Variants in CHDH observed in about 807,000 individuals in gnomAD.
CHDH encodes choline dehydrogenase, mitochondrial.
Under a neutral mutation model 56.9 loss-of-function variants are expected in CHDH, and 43 were observed. The observed-to-expected ratio is 0.76, with a 90% CI of 0.59 to 0.97. CHDH has a LOEUF of 0.97. Among genes scored for constraint, CHDH ranks in the 50% least tolerant of loss-of-function variants. The pLI is 0.00. For synonymous variants in CHDH, 364 were observed against 348.5 expected (o/e 1.04, Z -0.50); for missense variants, 816 against 821.1 (o/e 0.99, Z 0.08).
chr3:53,845,461 A>G (rs1278057455), intron 1 of CHDH, among the ~76,000 whole-genome samples: 1 of 152,186 alleles, frequency 6.6e-6, no homozygotes, highest in African/African-American at 2.4e-5. Context: ...AATGGCCCTG[A>G]GTTGGTCACC....
rs1045556248 is a variant in CHDH at position 53,814,745 on chromosome 3, C to G, written c.*3032G>C. 1 of 152,028 alleles carries G rather than the reference C, an allele frequency of 6.6e-6. No homozygotes were observed. Among genetic ancestry groups the G allele is most frequent in the African/African-American group, 2.4e-5 (1 of 41,350 alleles). The allele number at this position is 152,028 out of a possible 1,614,324, so 9.4% of individuals were successfully genotyped here. The stretch of plus-strand genomic sequence containing the variant: ...TGCAATCTTGGCTCACTGCAGCCTG[C>G]GCCACCCAGGTTCAAGCGATTCTCC... On this transcript the variant is annotated 3_prime_UTR_variant, in exon 9 of 9. Transcript: ENST00000315251.
intron 1 of CHDH, among the ~76,000 whole-genome samples, chr3:53,843,303 A>G (rs1698739573): frequency 6.6e-6 from 1 of 151,194 alleles, no homozygotes; most frequent in African/African-American, 2.4e-5. Flanking sequence ...GTTTCCTAAC[A>G]GCCCTGCTGG....
At chr3:53,834,886 C>T (rs1263644054) in intron 2 of CHDH, among the ~76,000 whole-genome samples, 1 of 152,226 alleles carries the variant, frequency 6.6e-6, no homozygotes, top group Admixed American at 6.5e-5. Flanking sequence ...GAGGAGAAGA[C>T]AGAACTCTGG....
At chr3:53,843,467 T>C (rs886312664) in intron 1 of CHDH, among the ~76,000 whole-genome samples, 5 of 152,080 alleles carry the variant, frequency 3.3e-5, no homozygotes, top group Admixed American at 1.3e-4. Context: ...GCACAGAGTC[T>C]GTGCAGACCC....
At chr3:53,825,102 C>T (rs2095636588) in intron 2 of CHDH, among the ~76,000 whole-genome samples, 1 of 152,198 alleles carries the variant, frequency 6.6e-6, no homozygotes, top group South Asian at 2.1e-4. Context: ...AGGCCCCACA[C>T]CACTCCCCAC....
chr3:53,818,929 G>C lies in CHDH; in HGVS notation c.1366+9C>G. On this transcript the variant is annotated intron_variant, in intron 8 of 8. Coordinates refer to ENST00000315251, the MANE Select transcript of CHDH (RefSeq NM_018397.5). ...TTCAAGCCCAGGAAGACACAGGTGG[G>C]TGAAGTACCTGTTGACAAGTAGTTG... The C allele has an allele frequency of 5.1e-6, 8 of 1,555,006 alleles. No individual in the cohort carries two copies. Among genetic ancestry groups the C allele is most frequent in the Non-Finnish European group, 7.1e-6 (8 of 1,125,930 alleles).
In CHDH at chr3:53,817,997, G is replaced by A. The variant is rs1298486752; in HGVS notation, c.1565C>T (p.Ser522Phe). The change falls in exon 9 of 9, where the codon TCC (serine) becomes TTC (phenylalanine). Residue 522 changes from serine to phenylalanine, a missense_variant. Ser to Phe is a radical substitution (Grantham distance 155). Transcript: ENST00000315251. ...CGGATCCACCACGGCAGTGGGATCGGAGGGCTGGCCCATCTTACAGGTGCA... is the reference window on the plus strand; with the variant it reads ...CGGATCCACCACGGCAGTGGGATCGAAGGGCTGGCCCATCTTACAGGTGCA... ...PSCTCKMGQP[S>F]DPTAVVDPQT... 2 of 1,614,222 alleles carry A rather than the reference G, an allele frequency of 1.2e-6. No individual in the cohort carries two copies.
chr3:53,825,368 A>G (rs928851635), intron 2 of CHDH, among the ~76,000 whole-genome samples: 2 of 152,232 alleles, frequency 1.3e-5, no homozygotes, highest in Non-Finnish European at 1.5e-5. Flanking sequence ...CAAGGTGAGC[A>G]TTATAAAAGA....
chr3:53,844,660 G>A (rs1280597844), intron 1 of CHDH: 1 of 152,542 alleles, frequency 6.6e-6, no homozygotes, highest in Non-Finnish European at 1.5e-5. Flanking sequence ...GCACACAACT[G>A]AAAAGCCAGC....
At chr3:53,828,095 G>C (rs1306759220) in intron 2 of CHDH, among the ~76,000 whole-genome samples, 1 of 151,576 alleles carries the variant, frequency 6.6e-6, no homozygotes, top group Non-Finnish European at 1.5e-5. Flanking sequence ...ACTGATCTTT[G>C]ACAAGTCATC....
chr3:53,840,034 T>G (rs903891797), intron 2 of CHDH, among the ~76,000 whole-genome samples: 1 of 151,328 alleles, frequency 6.6e-6, no homozygotes, highest in African/African-American at 2.4e-5. Context: ...AGATAGGGAG[T>G]AGATGGGTAG....
intron 2 of CHDH, among the ~76,000 whole-genome samples, chr3:53,824,698 T>C (rs898711134): frequency 3.3e-5 from 5 of 152,254 alleles, no homozygotes; most frequent in Non-Finnish European, 7.3e-5. Flanking sequence ...CTCTGTAGAA[T>C]GCTAGCGTTT....
rs1030250587 is a variant in CHDH, at chr3:53,815,552, G to C, written c.*2225C>G. The C allele has an allele frequency of 6.6e-6, 1 of 152,182 alleles. No homozygotes were observed. Among genetic ancestry groups the C allele is most frequent in the Non-Finnish European group, 1.5e-5 (1 of 68,060 alleles). 9.4% of individuals were successfully genotyped at this position (152,182 alleles called of 1,614,324 possible). On this transcript the variant is annotated 3_prime_UTR_variant, in exon 9 of 9. Transcript: ENST00000315251. ...CATGGCTAAGTATTTGAGAGTGAAA[G>C]AAGGGCCTGGGTGCAATTGAGCAGC...
In CHDH at chr3:53,821,762, C is replaced by T; in HGVS notation, c.870G>A (p.Lys290=). 2 of 1,613,880 alleles carry T rather than the reference C, an allele frequency of 1.2e-6. No individual in the cohort carries two copies. Among genetic ancestry groups the T allele is most frequent in the African/African-American group, 1.3e-5 (1 of 75,030 alleles). ...NGQSHRAYAS[K]EVILSGGAIN... ...TGGCACCTCCACTCAGAATCACCTC[C>T]TTGCTGGCATAAGCCTGGAAGAGGT... is the stretch of plus-strand genomic sequence containing the variant. Residue 290 remains lysine, a synonymous_variant, in exon 5 of 9, where the codon AAG becomes AAA. Transcript: ENST00000315251.
At chr3:53,839,340 C>T (rs1192861275) in intron 2 of CHDH, among the ~76,000 whole-genome samples, 1 of 152,172 alleles carries the variant, frequency 6.6e-6, no homozygotes, top group Non-Finnish European at 1.5e-5. Flanking sequence ...AATCCAAGTG[C>T]AGGGAAACCC....
chr3:53,827,955 T>A (rs76875486), intron 2 of CHDH, among the ~76,000 whole-genome samples: 1 of 151,948 alleles, frequency 6.6e-6, no homozygotes, highest in Non-Finnish European at 1.5e-5. Context: ...AAGCGCAAAA[T>A]TGGAGGACTG....
At chr3:53,822,099 G>A (rs2095627973) in intron 4 of CHDH, among the ~76,000 whole-genome samples, 1 of 152,116 alleles carries the variant, frequency 6.6e-6, no homozygotes, top group Non-Finnish European at 1.5e-5. Context: ...ACATGAAGCT[G>A]CAAAACAATC....
intron 8 of CHDH, among the ~76,000 whole-genome samples, 196 bp from the exon 9 acceptor site, chr3:53,818,391 A>C (rs915997365): frequency 2.6e-5 from 4 of 152,192 alleles, no homozygotes; most frequent in Non-Finnish European, 5.9e-5. Context: ...GTGTAGCTCA[A>C]AGGTAGCATC....
chr3:53,830,911 C>T (rs1244288241), intron 2 of CHDH, among the ~76,000 whole-genome samples: 1 of 151,826 alleles, frequency 6.6e-6, no homozygotes, highest in Non-Finnish European at 1.5e-5. Flanking sequence ...TTCATAGCAA[C>T]CAAAAATCAG....
Sources: gnomAD v4.1 joint callset for allele counts (sites outside exome capture counted in the v4.1 genomes callset) on GRCh38, gnomAD v4.1.1 for gene constraint, MANE v1.5 for transcripts, NCBI Gene and HGNC (gene_info 2026-07-23, HGNC 2026-07-21) for gene names.